The following SYTL2 variants were observed in gnomAD, a reference collection of about 807,000 sequenced individuals.
SYTL2 encodes synaptotagmin like 2.
A neutral mutation model predicts 198.7 loss-of-function variants in SYTL2; 165 were observed. That is an observed-to-expected ratio of 0.83 (90% CI 0.73 to 0.94). The LOEUF (loss-of-function observed/expected upper bound fraction) is 0.94, where lower values mean the gene tolerates loss of function less well. Ranked by LOEUF, SYTL2 falls within the 40% of genes least tolerant of loss-of-function variation. The pLI is 0.00. For synonymous variants in SYTL2, 966 were observed against 917.7 expected, an observed-to-expected ratio of 1.05 and a Z score of -0.95; for missense variants, 2,835 against 2,582.8, an observed-to-expected ratio of 1.10 and a Z score of -2.12.
At chr11:85,781,064 A>G (rs1169854409) in intron 1 of SYTL2, among the ~76,000 whole-genome samples, 1 of 152,230 alleles carries the variant, frequency 6.6e-6, no homozygotes, top group East Asian at 1.9e-4. Context: ...AGAACACTGC[A>G]GTAGTCCATT....
chr11:85,752,873 T>G (rs1485040616), intron 2 of SYTL2, among the ~76,000 whole-genome samples: 1 of 122,122 alleles, frequency 8.2e-6, no homozygotes, highest in African/African-American at 3.2e-5. Flanking sequence ...AAAAACACCA[T>G]GAGAGGTCCT....
At chr11:85,816,460 T>C in the SYTL2 span, among the ~76,000 whole-genome samples, 1 of 152,114 alleles carries the variant, frequency 6.6e-6, no homozygotes, top group Non-Finnish European at 1.5e-5. Flanking sequence ...AGTAGAATAG[T>C]TGTTACCAGG....
chr11:85,727,511 A>C lies in SYTL2; in HGVS notation c.1847T>G (p.Met616Arg). ...DNNVNIKSKF[M>R]NLSQKGTPKE... ...TGGGGTGCCTTTTTGGGACAAATTC[A>C]TGAATTTGGATTTGATATTCACATT... Residue 616 changes from methionine to arginine, a missense_variant, in exon 8 of 20, where the codon ATG becomes AGG. Physicochemically the swap from Met to Arg is moderately conservative, Grantham distance 91. Around this residue, in one of 3 missense-constraint regions of SYTL2, gnomAD observed 2,645 missense variants for 2,381.7 expected, o/e 1.11. Transcript: ENST00000359152. The C allele has an allele frequency of 1.3e-6, 2 of 1,536,114 alleles. No individual in the cohort carries two copies. The highest frequency in any genetic ancestry group is 1.7e-6 in the Non-Finnish European group (2 of 1,146,906).
intron 17 of SYTL2, 142 bp downstream of exon 17, chr11:85,700,373 A>G: frequency 7.0e-6 from 4 of 571,860 alleles, no homozygotes; most frequent in Non-Finnish European, 1.2e-5. Flanking sequence ...CTTATTTACA[A>G]CTGTGAATAG....
the SYTL2 span, among the ~76,000 whole-genome samples, chr11:85,833,098 A>AGAAAGAAG: frequency 4.3e-4 from 14 of 32,530 alleles, no homozygotes; most frequent in East Asian, 8.0e-4. Context: ...AAAGAAAGAA[A>AGAAAGAAG]GAAGGAAGGA....
chr11:85,818,551 A>G, the SYTL2 span, among the ~76,000 whole-genome samples: 1 of 152,164 alleles, frequency 6.6e-6, no homozygotes, highest in East Asian at 1.9e-4. Flanking sequence ...GGTCTCTTCA[A>G]CTCTGAATCT....
At chr11:85,793,307 T>G (rs1338765258) in intron 1 of SYTL2, among the ~76,000 whole-genome samples, 1 of 152,152 alleles carries the variant, frequency 6.6e-6, no homozygotes, top group African/African-American at 2.4e-5. Context: ...CCTGACTTTT[T>G]AATGATTGCC....
chr11:85,850,649 C>A, the SYTL2 span, among the ~76,000 whole-genome samples: 1 of 150,674 alleles, frequency 6.6e-6, no homozygotes, highest in African/African-American at 2.4e-5. Flanking sequence ...CTAGAAATAC[C>A]ATTTGACCCA....
Position 85,724,410 on chromosome 11 carries a change from C to A in SYTL2, c.4948G>T (p.Val1650Leu), listed in dbSNP as rs1447987383. 6.2e-7 allele frequency: 1 copy of A among 1,600,868 alleles called. No individual in the cohort carries two copies. Among genetic ancestry groups the A allele is most frequent in the South Asian group, 1.1e-5 (1 of 88,176 alleles). ...GGDALVTDLL[V>L]DFCGSRSGVE... Reference sequence around the variant, plus strand: ...CCACTTCTGGAACCACAAAAATCTACCAATAAATCAGTCACAAGTGCGTCT... The same window carrying A: ...CCACTTCTGGAACCACAAAAATCTAACAATAAATCAGTCACAAGTGCGTCT... Residue 1650 changes from valine to leucine, a missense_variant, in exon 8 of 20, where the codon GTA (valine) becomes TTA (leucine). Val to Leu is a conservative substitution (Grantham distance 32). This residue lies in a region of SYTL2 where 2,645 missense variants were observed against 2,381.7 expected (regional missense o/e 1.11). Transcript: ENST00000359152.
intron 1 of SYTL2, among the ~76,000 whole-genome samples, chr11:85,785,898 C>A (rs904136704): frequency 1.3e-5 from 2 of 152,194 alleles, no homozygotes; most frequent in Admixed American, 1.3e-4. Context: ...TTCCACTTCA[C>A]GCTCTGCCTA....
chr11:85,803,080 A>G (rs1207544149), intron 1 of SYTL2, among the ~76,000 whole-genome samples: 1 of 152,190 alleles, frequency 6.6e-6, no homozygotes, highest in African/African-American at 2.4e-5. Flanking sequence ...GCACCTCAAA[A>G]TCATCTGCTA....
intron 10 of SYTL2, among the ~76,000 whole-genome samples, chr11:85,717,930 C>T (rs1044639663): frequency 6.6e-6 from 1 of 152,100 alleles, no homozygotes; most frequent in Non-Finnish European, 1.5e-5. Context: ...AGATAAAAAT[C>T]CCTGCCCCAT....
chr11:85,823,495 T>C, the SYTL2 span, among the ~76,000 whole-genome samples: 4 of 152,368 alleles, frequency 2.6e-5, no homozygotes, highest in Admixed American at 1.3e-4. Flanking sequence ...GGTAAAGATA[T>C]AGTTTACCCA....
intron 6 of SYTL2, among the ~76,000 whole-genome samples, chr11:85,735,355 A>G (rs895807801): frequency 6.6e-6 from 1 of 152,222 alleles, no homozygotes; most frequent in Non-Finnish European, 1.5e-5. Context: ...AAAGAGGCTT[A>G]AAGAAAAACA....
chr11:85,714,693 G>T (rs972580850), intron 11 of SYTL2, 186 bp from the exon 12 acceptor site: 275 of 1,312,404 alleles, frequency 2.1e-4, no homozygotes, highest in African/African-American at 9.0e-4. Flanking sequence ...AAATTATATA[G>T]AGAGAGAACT....
intron 8 of SYTL2, 58 bp from the exon 9 acceptor site, chr11:85,721,017 T>A: frequency 2.0e-6 from 2 of 988,182 alleles, no homozygotes; most frequent in African/African-American, 1.6e-5. Flanking sequence ...AAAAATCCTC[T>A]AACATATGGA....
At position 85,724,077 on chromosome 11, in the gene SYTL2, C is replaced by G. The variant is rs765893417; in HGVS notation, c.5281G>C (p.Asp1761His). ...TCTGCATTAGAACTGGTGTTTCCAT[C>G]TGAAAAATCAGACTCAGAGAAACCT... ...KEGFSESDFSDGNTSSNAESW... is the reference protein window; with the variant it reads ...KEGFSESDFSHGNTSSNAESW... The change falls in exon 8 of 20, where the codon GAT becomes CAT. Residue 1761 changes from aspartate (D) to histidine (H), a missense_variant. Around this residue, in one of 3 missense-constraint regions of SYTL2, gnomAD observed 2,645 missense variants for 2,381.7 expected, o/e 1.11. Coordinates refer to ENST00000359152, the MANE Select transcript of SYTL2 (RefSeq NM_206927.4). 10 of 1,556,210 alleles carry G rather than the reference C, an allele frequency of 6.4e-6. No individual in the cohort carries two copies. The highest frequency in any genetic ancestry group is 3.8e-5 in the South Asian group (3 of 78,616).
rs761028828 is a variant in SYTL2, at chr11:85,724,500, C to T, written c.4858G>A (p.Glu1620Lys). 2 of 1,613,930 alleles carry T rather than the reference C, an allele frequency of 1.2e-6. No homozygotes were observed. The highest frequency in any genetic ancestry group is 1.1e-5 in the South Asian group (1 of 91,072). Residue 1620 changes from glutamate (E) to lysine (K), a missense_variant, in exon 8 of 20, where the codon GAA becomes AAA. Coordinates refer to ENST00000359152, the MANE Select transcript of SYTL2 (RefSeq NM_206927.4). The part of the protein sequence containing the change: ...HFYRAASQTS[E>K]MKDKSNGLES... ...AAACCATTACTTTTATCCTTCATTT[C>T]AGAGGTCTGTGAGGCTGCCCTGTAA...
At chr11:85,826,666 T>A in the SYTL2 span, among the ~76,000 whole-genome samples, 1 of 152,222 alleles carries the variant, frequency 6.6e-6, no homozygotes, top group African/African-American at 2.4e-5. Flanking sequence ...CCTCTAACGG[T>A]ATGTCAGAGA....
Sources: gnomAD v4.1 joint callset for allele counts (sites outside exome capture counted in the v4.1 genomes callset) on GRCh38, gnomAD v4.1.1 for gene constraint, gnomAD v4.1.1 regional missense constraint, MANE v1.5 for transcripts, NCBI Gene and HGNC (gene_info 2026-07-23, HGNC 2026-07-21) for gene names.